Variants in FOXD2 observed in about 807,000 individuals in gnomAD.
FOXD2 encodes the protein forkhead box D2, also known as forkhead box protein D2.
FOXD2 carries 4 observed loss-of-function variants against 6.4 expected under a neutral mutation model. The observed-to-expected ratio is 0.62, with a 90% CI of 0.31 to 1.42. The LOEUF (loss-of-function observed/expected upper bound fraction) is 1.42, where lower values mean the gene tolerates loss of function less well. Ranked by LOEUF, FOXD2 falls within the 40% of genes most tolerant of loss-of-function variation. FOXD2 has a pLI of 0.08. For missense variants in FOXD2, 709 were observed against 766.8 expected, an observed-to-expected ratio of 0.92 and a Z score of 0.89; for synonymous variants, 393 against 373.6, an observed-to-expected ratio of 1.05 and a Z score of -0.60.
Position 47,440,431 on chromosome 1 carries a change from G to A in FOXD2, c.*808G>A, listed in dbSNP as rs1393297029. ...GGCAATGAGATTGGGTGGAAGAGAAGGGTCTGGGCCAGGGACTGGAGAGGT... is the reference window on the plus strand; with the variant it reads ...GGCAATGAGATTGGGTGGAAGAGAAAGGTCTGGGCCAGGGACTGGAGAGGT... On this transcript the variant is annotated 3_prime_UTR_variant, in exon 1 of 1. Transcript: ENST00000334793. The A allele has an allele frequency of 6.0e-6, 1 of 167,142 alleles. No homozygotes were observed. Among genetic ancestry groups the A allele is most frequent in the Non-Finnish European group, 1.5e-5 (1 of 68,164 alleles). 10.4% of individuals were successfully genotyped at this position (167,142 alleles called of 1,614,324 possible).
In FOXD2 at chr1:47,438,483, G is replaced by A. The variant is rs1237979923; in HGVS notation, c.348G>A (p.Ser116=). The change falls in exon 1 of 1, where the codon TCG becomes TCA. Residue 116 remains serine (S), a synonymous_variant. Transcript: ENST00000334793. ...GAAGPGPGPP[S]GGAATRSPLV... ...CGGGGCCCGGGCCGGGACCGCCGTCGGGGGGCGCGGCGACGCGGAGCCCGC... is the reference window on the plus strand; with the variant it reads ...CGGGGCCCGGGCCGGGACCGCCGTCAGGGGGCGCGGCGACGCGGAGCCCGC... 6.4e-7 allele frequency: 1 copy of A among 1,564,562 alleles called. No individual in the cohort carries two copies. Among genetic ancestry groups the A allele is most frequent in the East Asian group, 2.5e-5 (1 of 40,008 alleles).
Position 47,440,176 on chromosome 1 carries a change from G to A in FOXD2, c.*553G>A, listed in dbSNP as rs189871759. On this transcript the variant is annotated 3_prime_UTR_variant, in exon 1 of 1. Coordinates refer to ENST00000334793, the MANE Select transcript of FOXD2 (RefSeq NM_004474.4). ...TTCGTTTCCTCTGAAGCCTAAACCA[G>A]TGTCTACGCAGGCGGAGCTGAACGG... The A allele has an allele frequency of 9.1e-5, 14 of 154,098 alleles. No homozygotes were observed. The highest frequency in any genetic ancestry group is 3.9e-4 in the Admixed American group (5 of 12,976). The allele number at this position is 154,098 out of a possible 1,614,324, so 9.5% of individuals were successfully genotyped here.
chr1:47,438,267 G>A lies in FOXD2; in HGVS notation c.132G>A (p.Gly44=), dbSNP rs1646985498. 2 of 1,360,762 alleles carry A rather than the reference G, an allele frequency of 1.5e-6. No individual in the cohort carries two copies. Among genetic ancestry groups the A allele is most frequent in the Non-Finnish European group, 1.9e-6 (2 of 1,060,810 alleles). The allele number at this position is 1,360,762 out of a possible 1,614,324, so 84.3% of individuals were successfully genotyped here. Residue 44 remains glycine (G), a synonymous_variant, in exon 1 of 1, where the codon GGG becomes GGA. Coordinates refer to ENST00000334793, the MANE Select transcript of FOXD2 (RefSeq NM_004474.4). ...SGGGELPARS[G]PRAPRDVLPH... The stretch of plus-strand genomic sequence containing the variant: ...GGGGGGAGCTCCCAGCTCGCTCCGG[G>A]CCCCGCGCCCCCCGGGACGTGCTCC...
At position 47,439,622 on chromosome 1, in the gene FOXD2, G is replaced by C; in HGVS notation, c.1487G>C (p.Ter496SerextTer31). ...GCCGGCCTTAGTGGCTGCCACTTCT[G>C]ACCGCAGCAGGCCCAGGGCCGGTTA... ...KVAGLSGCHF[*>S] is the part of the protein sequence containing the mutation. Residue 496 changes from the stop codon to serine (S), a stop_lost, in exon 1 of 1, where the codon TGA (stop) becomes TCA (serine). Transcript: ENST00000334793. 2 of 1,550,614 alleles carry C rather than the reference G, an allele frequency of 1.3e-6. No homozygotes were observed. The highest frequency in any genetic ancestry group is 1.7e-6 in the Non-Finnish European group (2 of 1,147,684).
rs1407780948 is a variant in FOXD2, at chr1:47,439,050, T to G, written c.915T>G (p.Pro305=). The G allele has an allele frequency of 3.5e-6, 5 of 1,446,000 alleles. No homozygotes were observed. The African/African-American group carries it at 6.0e-5, about 17-fold the overall frequency. The allele number at this position is 1,446,000 out of a possible 1,614,324, so 89.6% of individuals were successfully genotyped here. The part of the protein sequence containing the change: ...FAFAAAAAAA[P]CQLSVPPGRA... Reference sequence around the variant, plus strand: ...TCGCCGCGGCAGCCGCCGCCGCTCCTTGCCAGCTGTCGGTACCCCCAGGCC... The same window carrying G: ...TCGCCGCGGCAGCCGCCGCCGCTCCGTGCCAGCTGTCGGTACCCCCAGGCC... The change falls in exon 1 of 1, where the codon CCT becomes CCG. Residue 305 remains proline (P), a synonymous_variant. Transcript: ENST00000334793.
Position 47,438,240 on chromosome 1 carries a change from CGG to C in FOXD2, c.111_112del (p.Glu38AlafsTer453). On this transcript the variant is annotated frameshift_variant, in exon 1 of 1. Coordinates refer to ENST00000334793, the MANE Select transcript of FOXD2 (RefSeq NM_004474.4). LOFTEE classifies it low-confidence loss of function (END_TRUNC). ...DIDVVGGGSG[G>X]GELPARSGPR... is the part of the protein sequence containing the mutation. ...TAGACGTGGTGGGCGGCGGCAGCGG[CGG>C]GGGGGAGCTCCCAGCTCGCTCCGGG... 7.2e-7 allele frequency: 1 copy of C among 1,391,234 alleles called. No homozygotes were observed. Among genetic ancestry groups the C allele is most frequent in the Non-Finnish European group, 9.3e-7 (1 of 1,076,662 alleles). 86.2% of individuals were successfully genotyped at this position (1,391,234 alleles called of 1,614,324 possible).
Position 47,438,209 on chromosome 1 carries a change from C to G in FOXD2, c.74C>G (p.Ala25Gly). The change falls in exon 1 of 1, where the codon GCA becomes GGA. Residue 25 changes from alanine (A) to glycine (G), a missense_variant. By Grantham distance (60) the Ala-to-Gly change is moderately conservative (BLOSUM62 0). Coordinates refer to ENST00000334793, the MANE Select transcript of FOXD2 (RefSeq NM_004474.4). ...CCGGCCGCGCTGTCCGAGGCCGACG[C>G]AGACATAGACGTGGTGGGCGGCGGC... is the stretch of plus-strand genomic sequence containing the variant. ...SSPAALSEAD[A>G]DIDVVGGGSG... The G allele has an allele frequency of 6.9e-7, 1 of 1,449,124 alleles. No individual in the cohort carries two copies. The allele number at this position is 1,449,124 out of a possible 1,614,324, so 89.8% of individuals were successfully genotyped here.
chr1:47,438,845 C>A lies in FOXD2; in HGVS notation c.710C>A (p.Pro237His). Residue 237 changes from proline to histidine, a missense_variant, in exon 1 of 1, where the codon CCT becomes CAT. This residue lies in a region of FOXD2 where 98 missense variants were observed against 91.0 expected (regional missense o/e 1.08). Coordinates refer to ENST00000334793, the MANE Select transcript of FOXD2 (RefSeq NM_004474.4). ...CCGCCGCCGCACCCACACCCGCACCCTCACCCGGAGCTGCTGCTGCGTGGC... is the reference window on the plus strand; with the variant it reads ...CCGCCGCCGCACCCACACCCGCACCATCACCCGGAGCTGCTGCTGCGTGGC... ...PLPPPHPHPH[P>H]HPELLLRGGA... The A allele has an allele frequency of 6.2e-7, 1 of 1,609,866 alleles. No individual in the cohort carries two copies. Among genetic ancestry groups the A allele is most frequent in the South Asian group, 1.1e-5 (1 of 90,806 alleles).
In FOXD2 at chr1:47,438,094, G is replaced by T. The variant is rs1022868233; in HGVS notation, c.-42G>T. ...GCGCGGCCGAGCCCGAGCCGCTGCC[G>T]GAGCGGAGCCGGAGAGTGGCGGCGG... On this transcript the variant is annotated 5_prime_UTR_variant, in exon 1 of 1. Coordinates refer to ENST00000334793, the MANE Select transcript of FOXD2 (RefSeq NM_004474.4). 1.6e-5 allele frequency: 22 copies of T among 1,337,604 alleles called. No individual in the cohort carries two copies. Among genetic ancestry groups the T allele is most frequent in the Non-Finnish European group, 1.9e-5 (20 of 1,049,948 alleles). 82.9% of individuals were successfully genotyped at this position (1,337,604 alleles called of 1,614,324 possible).
rs1335309782 is a variant in FOXD2, at chr1:47,438,127, A to G, written c.-9A>G. The stretch of plus-strand genomic sequence containing the variant: ...GCCGGAGAGTGGCGGCGGCGGCGGC[A>G]GCGGCACCATGACCCTGGGCAGCTG... On this transcript the variant is annotated 5_prime_UTR_variant, in exon 1 of 1. Transcript: ENST00000334793. 7.1e-6 allele frequency: 10 copies of G among 1,407,144 alleles called. No individual in the cohort carries two copies. In the Admixed American group the frequency reaches 1.5e-4, roughly 22 times the overall value. The allele number at this position is 1,407,144 out of a possible 1,614,324, so 87.2% of individuals were successfully genotyped here. A position where few individuals can be genotyped will look rare whatever the true frequency, so the allele number is the denominator to read the frequency against.
rs1474886323 is a variant in FOXD2 at position 47,438,819 on chromosome 1, G to C, written c.684G>C (p.Leu228=). The change falls in exon 1 of 1, where the codon CTG becomes CTC. Residue 228 remains leucine (L), a synonymous_variant. Coordinates refer to ENST00000334793, the MANE Select transcript of FOXD2 (RefSeq NM_004474.4). ...RRRKRFKRQP[L]PPPHPHPHPH... ...GCAAGCGCTTCAAGCGGCAGCCCCT[G>C]CCGCCGCCGCACCCACACCCGCACC... The C allele has an allele frequency of 1.9e-6, 3 of 1,611,488 alleles. No individual in the cohort carries two copies. The highest frequency in any genetic ancestry group is 2.5e-6 in the Non-Finnish European group (3 of 1,179,350).
chr1:47,440,198 A>G lies in FOXD2; in HGVS notation c.*575A>G, dbSNP rs1017279728. The stretch of plus-strand genomic sequence containing the variant: ...CCAGTGTCTACGCAGGCGGAGCTGA[A>G]CGGAGAGGTGAAGCAGGGGGTCTTT... On this transcript the variant is annotated 3_prime_UTR_variant, in exon 1 of 1. Coordinates refer to ENST00000334793, the MANE Select transcript of FOXD2 (RefSeq NM_004474.4). The G allele has an allele frequency of 6.1e-6, 1 of 164,164 alleles. No individual in the cohort carries two copies. Among genetic ancestry groups the G allele is most frequent in the African/African-American group, 2.5e-5 (1 of 40,098 alleles). 10.2% of individuals were successfully genotyped at this position (164,164 alleles called of 1,614,324 possible).
chr1:47,440,483 C>T lies in FOXD2; in HGVS notation c.*860C>T, dbSNP rs775655686. 2 of 166,984 alleles carry T rather than the reference C, an allele frequency of 1.2e-5. No homozygotes were observed. Among genetic ancestry groups the T allele is most frequent in the Non-Finnish European group, 2.9e-5 (2 of 68,140 alleles). The allele number at this position is 166,984 out of a possible 1,614,324, so 10.3% of individuals were successfully genotyped here. On this transcript the variant is annotated 3_prime_UTR_variant, in exon 1 of 1. Transcript: ENST00000334793. ...GGGGTGGAGTGGGCAAGGGCACACC[C>T]TGTGGCAGGGGGTCCTATAATTTTG...
In FOXD2 at chr1:47,439,881, G is replaced by C; in HGVS notation, c.*258G>C. 1 of 421,446 alleles carries C rather than the reference G, an allele frequency of 2.4e-6. No individual in the cohort carries two copies. Among genetic ancestry groups the C allele is most frequent in the East Asian group, 4.3e-5 (1 of 23,302 alleles). The allele number at this position is 421,446 out of a possible 1,614,324, so 26.1% of individuals were successfully genotyped here. ...ATTCTTTACAGTTTGAGAAATAAAA[G>C]CAGGGGGGTGGGGGCTTCGTTTTTT... On this transcript the variant is annotated 3_prime_UTR_variant, in exon 1 of 1. Coordinates refer to ENST00000334793, the MANE Select transcript of FOXD2 (RefSeq NM_004474.4).
At position 47,439,215 on chromosome 1, in the gene FOXD2, G is replaced by T; in HGVS notation, c.1080G>T (p.Leu360=). 1 of 1,476,930 alleles carries T rather than the reference G, an allele frequency of 6.8e-7. No homozygotes were observed. The highest frequency in any genetic ancestry group is 2.9e-5 in the East Asian group (1 of 34,632). The allele number at this position is 1,476,930 out of a possible 1,614,324, so 91.5% of individuals were successfully genotyped here. A position where few individuals can be genotyped will look rare whatever the true frequency, so the allele number is the denominator to read the frequency against. The change falls in exon 1 of 1, where the codon CTG becomes CTT. Residue 360 remains leucine (L), a synonymous_variant. Transcript: ENST00000334793. ...TGCCCGCCTTCCTGGGCGCGGAGCT[G>T]GGCTGCGCCAAAGCCTTCTACGCGG... ...AGLPAFLGAE[L]GCAKAFYAAS...
Position 47,439,668 on chromosome 1 carries a change from T to C in FOXD2, c.*45T>C, listed in dbSNP as rs1297030696. The C allele has an allele frequency of 9.4e-6, 14 of 1,495,208 alleles. No individual in the cohort carries two copies. Among genetic ancestry groups the C allele is most frequent in the Non-Finnish European group, 1.3e-5 (14 of 1,110,714 alleles). The allele number at this position is 1,495,208 out of a possible 1,614,324, so 92.6% of individuals were successfully genotyped here. On this transcript the variant is annotated 3_prime_UTR_variant, in exon 1 of 1. Transcript: ENST00000334793. Reference sequence around the variant, plus strand: ...GGTTAGGTCCGCACTCCTCAGCCTCTCCCGGGAGTTCCTGCGGTCCCAGCG... The same window carrying C: ...GGTTAGGTCCGCACTCCTCAGCCTCCCCCGGGAGTTCCTGCGGTCCCAGCG...
Position 47,439,274 on chromosome 1 carries a change from C to G in FOXD2, c.1139C>G (p.Ala380Gly), listed in dbSNP as rs1217747486. ...AGTCCTCCCGCAGCCGGCACCGCGGCGGGTCTGCCCACCGCACTTCTGCGC... is the reference window on the plus strand; with the variant it reads ...AGTCCTCCCGCAGCCGGCACCGCGGGGGGTCTGCCCACCGCACTTCTGCGC... ...SLSPPAAGTAAGLPTALLRQG... is the reference protein window; with the variant it reads ...SLSPPAAGTAGGLPTALLRQG... Residue 380 changes from alanine (A) to glycine (G), a missense_variant, in exon 1 of 1, where the codon GCG (alanine) becomes GGG (glycine). Around this residue, in one of 5 missense-constraint regions of FOXD2, gnomAD observed 322 missense variants for 313.8 expected, o/e 1.03. Coordinates refer to ENST00000334793, the MANE Select transcript of FOXD2 (RefSeq NM_004474.4). The G allele has an allele frequency of 2.7e-6, 4 of 1,501,522 alleles. No individual in the cohort carries two copies. The Admixed American group carries it at 9.0e-5, about 34-fold the overall frequency. The allele number at this position is 1,501,522 out of a possible 1,614,324, so 93.0% of individuals were successfully genotyped here.
Position 47,438,816 on chromosome 1 carries a change from C to G in FOXD2, c.681C>G (p.Pro227=), listed in dbSNP as rs1557456149. The part of the protein sequence containing the change: ...LRRRKRFKRQ[P]LPPPHPHPHP... ...GTCGCAAGCGCTTCAAGCGGCAGCC[C>G]CTGCCGCCGCCGCACCCACACCCGC... is the stretch of plus-strand genomic sequence containing the variant. Residue 227 remains proline, a synonymous_variant, in exon 1 of 1, where the codon CCC becomes CCG. Transcript: ENST00000334793. The G allele has an allele frequency of 6.2e-7, 1 of 1,611,806 alleles. No homozygotes were observed. Among genetic ancestry groups the G allele is most frequent in the South Asian group, 1.1e-5 (1 of 90,982 alleles).
chr1:47,438,977 C>T lies in FOXD2; in HGVS notation c.842C>T (p.Pro281Leu). Reference sequence around the variant, plus strand: ...GCTCTCCCGGCCTACGGCGCACCCCCGCCGGGGCCGGCCCCGCATCCGCAC... The same window carrying T: ...GCTCTCCCGGCCTACGGCGCACCCCTGCCGGGGCCGGCCCCGCATCCGCAC... ...GLALPAYGAP[P>L]PGPAPHPHPH... Residue 281 changes from proline to leucine, a missense_variant, in exon 1 of 1, where the codon CCG becomes CTG. By Grantham distance (98) the Pro-to-Leu change is moderately conservative (BLOSUM62 -3). Coordinates refer to ENST00000334793, the MANE Select transcript of FOXD2 (RefSeq NM_004474.4). The T allele has an allele frequency of 2.1e-6, 3 of 1,435,576 alleles. No individual in the cohort carries two copies. The highest frequency in any genetic ancestry group is 1.4e-5 in the South Asian group (1 of 73,852). The allele number at this position is 1,435,576 out of a possible 1,614,324, so 88.9% of individuals were successfully genotyped here.
Sources: allele counts gnomAD v4.1 joint callset, GRCh38; gene constraint gnomAD v4.1.1; regional missense constraint gnomAD v4.1.1; transcripts MANE v1.5; gene names NCBI Gene and HGNC (gene_info 2026-07-23, HGNC 2026-07-21).